The following EP400 variants were observed in gnomAD, a reference collection of about 807,000 sequenced individuals.
The protein encoded by EP400 is E1A-binding protein p400.
EP400 carries 105 observed loss-of-function variants against 354.1 expected under a neutral mutation model. The ratio of observed to expected loss-of-function variants is 0.30; its 90% CI spans 0.25 to 0.35. The LOEUF (loss-of-function observed/expected upper bound fraction) is 0.35, where lower values mean the gene tolerates loss of function less well. EP400 is among the 10% of genes least tolerant of loss of function. The pLI is 1.00. For synonymous variants in EP400, 1,646 were observed against 1,716.9 expected (o/e 0.96, Z 1.02); for missense variants, 3,280 against 4,121.0 (o/e 0.80, Z 5.59).
intron 19 of EP400, among the ~76,000 whole-genome samples, chr12:132,016,864 A>G (rs1289723192): frequency 6.6e-6 from 1 of 152,022 alleles, no homozygotes. Flanking sequence ...GAAATTTGCC[A>G]TTGCTCTCTC....
At chr12:132,072,587 C>T (rs1294398984) in intron 51 of EP400, among the ~76,000 whole-genome samples, 1 of 152,184 alleles carries the variant, frequency 6.6e-6, no homozygotes, top group Non-Finnish European at 1.5e-5. Context: ...AGAATACAGT[C>T]AGTTTTAAAA....
At chr12:132,058,353 A>ATTTT (rs60226464) in intron 45 of EP400, among the ~76,000 whole-genome samples, 1 of 129,560 alleles carries the variant, frequency 7.7e-6, no homozygotes, top group African/African-American at 3.0e-5. Context: ...TAAAGATTGG[A>ATTTT]TTTTTTTTTT....
Position 132,030,173 on chromosome 12 carries a change from GT to G in EP400, c.5754+18del. On this transcript the variant is annotated intron_variant, in intron 29 of 52. Transcript: ENST00000389561. ...AGCAACGGCAGGTGAGAAGCACATT[GT>G]TTACATTGTCTCTGATGGGTCAGTC... 6.2e-7 allele frequency: 1 copy of G among 1,613,776 alleles called. No individual in the cohort carries two copies. The highest frequency in any genetic ancestry group is 1.1e-5 in the South Asian group (1 of 91,036).
chr12:132,005,721 C>A (rs1169859430), intron 13 of EP400, among the ~76,000 whole-genome samples: 1 of 151,996 alleles, frequency 6.6e-6, no homozygotes, highest in African/African-American at 2.4e-5. Context: ...TGGTCTCCTC[C>A]CGGTTTCCCA....
rs1250188492 is a variant in EP400 at position 132,070,887 on chromosome 12, GT to G, written c.9021+1252del. Reference sequence around the variant, plus strand: ...GGCTGTTGTACATTTTTGTACATTAGTTTTTTATTCTGGCCGCCTTGCTAGA... The same window carrying G: ...GGCTGTTGTACATTTTTGTACATTAGTTTTTATTCTGGCCGCCTTGCTAGA... On this transcript the variant is annotated intron_variant, in intron 51 of 52. Transcript: ENST00000389561. The surrounding 1 kb of genome is among the most constrained non-coding windows in gnomAD (Gnocchi z 4.1). Among the ~76,000 whole-genome samples the G allele has an allele frequency of 6.6e-6, 1 of 152,098 alleles. No homozygotes were observed. The highest frequency in any genetic ancestry group is 1.5e-5 in the Non-Finnish European group (1 of 68,014).
intron 30 of EP400, among the ~76,000 whole-genome samples, chr12:132,034,652 C>T (rs1164582356): frequency 2.0e-5 from 3 of 152,192 alleles, no homozygotes; most frequent in Non-Finnish European, 2.9e-5. Flanking sequence ...ATGGGGATTT[C>T]GCATGTTACA....
chr12:132,057,614 C>G (rs1895555764), intron 45 of EP400, among the ~76,000 whole-genome samples: 1 of 152,174 alleles, frequency 6.6e-6, no homozygotes, highest in African/African-American at 2.4e-5. Context: ...ATAAATCCCT[C>G]TAAAACACTC....
rs1446380553 is a variant in EP400, at chr12:131,992,144, GC to G, written c.2680-28del. On this transcript the variant is annotated intron_variant, in intron 10 of 52. Transcript: ENST00000389561. ...CCCATTCTGAGTGTTTGGATCTCAT[GC>G]TTGTGGTTTTTCTTTCTTTTCTTTC... 5 of 1,601,102 alleles carry G rather than the reference GC, an allele frequency of 3.1e-6. No individual in the cohort carries two copies. The Admixed American group carries it at 8.3e-5, about 27-fold the overall frequency.
chr12:131,967,155 C>T (rs536297269), intron 2 of EP400, among the ~76,000 whole-genome samples: 8 of 150,392 alleles, frequency 5.3e-5, no homozygotes, highest in South Asian at 2.1e-4. Flanking sequence ...CGAAGGGGGG[C>T]GGATCACTTG....
At chr12:131,957,541 A>G (rs1428453027) in intron 1 of EP400, among the ~76,000 whole-genome samples, 1 of 136,280 alleles carries the variant, frequency 7.3e-6, no homozygotes, top group Non-Finnish European at 1.5e-5. Context: ...TTTTTTTTAC[A>G]TTAAATGTAA....
At chr12:131,972,768 G>T (rs1228383114) in intron 2 of EP400, among the ~76,000 whole-genome samples, 1 of 114,726 alleles carries the variant, frequency 8.7e-6, no homozygotes, top group African/African-American at 3.6e-5. Context: ...GTCTCGCTCT[G>T]TTGTCCAGGC....
At chr12:132,033,359 A>G (rs1894588790) in intron 30 of EP400, among the ~76,000 whole-genome samples, 1 of 152,194 alleles carries the variant, frequency 6.6e-6, no homozygotes, top group East Asian at 1.9e-4. Flanking sequence ...ACAGTGTAAT[A>G]GTAGATTTAC....
chr12:132,045,501 G>A lies in EP400; in HGVS notation c.6967G>A (p.Ala2323Thr). Residue 2323 changes from alanine (A) to threonine (T), a missense_variant, in exon 38 of 53, where the codon GCT becomes ACT. By Grantham distance (58) the Ala-to-Thr change is moderately conservative (BLOSUM62 0). Coordinates refer to ENST00000389561, the MANE Select transcript of EP400 (RefSeq NM_015409.5). Reference sequence around the variant, plus strand: ...CCTGCCAACTTTTGCCAAACCCACAGCTGAGCCTGGTCAAGACAACCCCGA... The same window carrying A: ...CCTGCCAACTTTTGCCAAACCCACAACTGAGCCTGGTCAAGACAACCCCGA... ...KPLPTFAKPT[A>T]EPGQDNPEWL... 1 of 1,614,172 alleles carries A rather than the reference G, an allele frequency of 6.2e-7. No individual in the cohort carries two copies. The highest frequency in any genetic ancestry group is 1.7e-4 in the Middle Eastern group (1 of 6,060).
chr12:132,011,777 G>A (rs182328110), intron 16 of EP400, 143 bp downstream of exon 16: 5 of 1,139,756 alleles, frequency 4.4e-6, no homozygotes, highest in Non-Finnish European at 6.0e-6. Context: ...CCTTTATGTT[G>A]TTCCCCTCGA....
Position 132,064,788 on chromosome 12 carries a change from C to T in EP400, c.8455C>T (p.Pro2819Ser), listed in dbSNP as rs1238202759. Residue 2819 changes from proline to serine, a missense_variant, in exon 48 of 53, where the codon CCG (proline) becomes TCG (serine). By Grantham distance (74) the Pro-to-Ser change is moderately conservative. This residue lies in a region of EP400 where 86 missense variants were observed against 66.4 expected (regional missense o/e 1.29). Coordinates refer to ENST00000389561, the MANE Select transcript of EP400 (RefSeq NM_015409.5). Reference sequence around the variant, plus strand: ...AGTGCAAGTGCAGACCTCGCAGCCGCCGCAGCAGCAGAGCCCCCAGCTCAC... The same window carrying T: ...AGTGCAAGTGCAGACCTCGCAGCCGTCGCAGCAGCAGAGCCCCCAGCTCAC... ...AQVQVQTSQP[P>S]QQQSPQLTTV... 1.9e-6 allele frequency: 3 copies of T among 1,613,066 alleles called. No individual in the cohort carries two copies. Among genetic ancestry groups the T allele is most frequent in the South Asian group, 1.1e-5 (1 of 91,064 alleles).
At position 132,000,801 on chromosome 12, in the gene EP400, T is replaced by A. The variant is rs77202080; in HGVS notation, c.2828-4276T>A. Among the ~76,000 whole-genome samples the A allele has an allele frequency of 1.9e-3, 285 of 152,240 alleles. 3 individuals are homozygous for A. Among genetic ancestry groups the A allele is most frequent in the African/African-American group, 6.5e-3 (269 of 41,476 alleles). On this transcript the variant is annotated intron_variant, in intron 12 of 52. Transcript: ENST00000389561. The stretch of plus-strand genomic sequence containing the variant: ...TTAAGTGTTAAATTCCAGTTACCAG[T>A]TTGTTTTAAGACATTCCCAATGGTT...
chr12:131,965,642 G>A (rs1264838580), intron 2 of EP400, among the ~76,000 whole-genome samples: 1 of 151,972 alleles, frequency 6.6e-6, no homozygotes, highest in Non-Finnish European at 1.5e-5. Context: ...AACCCTTCAC[G>A]CCTCCCTTGA....
intron 30 of EP400, among the ~76,000 whole-genome samples, chr12:132,035,115 A>G (rs926069682): frequency 2.6e-5 from 4 of 152,156 alleles, no homozygotes; most frequent in South Asian, 4.1e-4. Context: ...GTCCATCCCA[A>G]TTGGCCAGAA....
In EP400 at chr12:132,017,175, G is replaced by A. The variant is rs996121261; in HGVS notation, c.3924-360G>A. ...TGTAGGACCAGGCGTCAGAGCTGCCGAGCGGGTGTGTGAGGGGCTTTACTC... is the reference window on the plus strand; with the variant it reads ...TGTAGGACCAGGCGTCAGAGCTGCCAAGCGGGTGTGTGAGGGGCTTTACTC... On this transcript the variant is annotated intron_variant, in intron 19 of 52. Transcript: ENST00000389561. This position sits in a 1 kb window ranked among gnomAD's most constrained non-coding sequence, Gnocchi z 5.0. Among the ~76,000 whole-genome samples the A allele has an allele frequency of 1.4e-5, 2 of 146,956 alleles. No individual in the cohort carries two copies. The highest frequency in any genetic ancestry group is 2.9e-5 in the Non-Finnish European group (2 of 67,946).
Sources: gnomAD v4.1 joint callset for allele counts (sites outside exome capture counted in the v4.1 genomes callset) on GRCh38, gnomAD v4.1.1 for gene constraint, gnomAD v4.1.1 regional missense constraint, Gnocchi (gnomAD v3.1) non-coding constraint, MANE v1.5 for transcripts, NCBI Gene and HGNC (gene_info 2026-07-23, HGNC 2026-07-21) for gene names.